GARNL3: variants seen among roughly 807,000 people sequenced by gnomAD.
GARNL3 encodes the protein GTPase activating Rap/RanGAP domain like 3.
GARNL3 carries 63 observed loss-of-function variants against 125.0 expected under a neutral mutation model. That is an observed-to-expected ratio of 0.50 (90% CI 0.41 to 0.62). The LOEUF is 0.62. GARNL3 is among the 20% of genes least tolerant of loss of function. GARNL3 has a pLI of 0.00. For missense variants in GARNL3, 994 were observed against 1,244.0 expected, an observed-to-expected ratio of 0.80 and a Z score of 3.02; for synonymous variants, 439 against 457.5, an observed-to-expected ratio of 0.96 and a Z score of 0.52.
At chr9:127,230,012 C>G (rs1056474537) in intron 1 of GARNL3, among the ~76,000 whole-genome samples, 2 of 152,214 alleles carry the variant, frequency 1.3e-5, no homozygotes, top group African/African-American at 4.8e-5. Context: ...GGCCTCCAGG[C>G]AGGGGCAGTG....
Position 127,324,946 on chromosome 9 carries a change from C to T in GARNL3, c.568-123C>T, listed in dbSNP as rs150290984. The T allele has an allele frequency of 3.8e-5, 39 of 1,021,292 alleles. 2 individuals carry two copies. The East Asian group carries it at 8.5e-4, about 22-fold the overall frequency. 63.3% of individuals were successfully genotyped at this position (1,021,292 alleles called of 1,614,324 possible). On this transcript the variant is annotated intron_variant, in intron 6 of 27. Coordinates refer to ENST00000373387, the MANE Select transcript of GARNL3 (RefSeq NM_032293.5). The stretch of plus-strand genomic sequence containing the variant: ...TTTCCCCCAAACAAAGCTCCTATAA[C>T]CAACTTTTAAAATTATTTTCAAAAT...
intron 19 of GARNL3, 44 bp downstream of exon 19, chr9:127,354,454 T>C (rs758373904): frequency 5.8e-6 from 7 of 1,205,186 alleles, no homozygotes; most frequent in South Asian, 5.3e-5. Flanking sequence ...CGTTTTTTTT[T>C]TTCCTCAGGC....
At position 127,338,165 on chromosome 9, in the gene GARNL3, G is replaced by C. The variant is rs1368217721; in HGVS notation, c.1028+4G>C. On this transcript the variant is annotated splice_donor_region_variant and intron_variant, in intron 12 of 27. Transcript: ENST00000373387. ...ATCAACAAAATGACAATTACAGGTAGGTAATGACTTTGTCTCGATTGCTTG... is the reference window on the plus strand; with the variant it reads ...ATCAACAAAATGACAATTACAGGTACGTAATGACTTTGTCTCGATTGCTTG... 6.2e-7 allele frequency: 1 copy of C among 1,602,332 alleles called. No individual in the cohort carries two copies. Among genetic ancestry groups the C allele is most frequent in the African/African-American group, 1.3e-5 (1 of 74,672 alleles).
chr9:127,352,009 T>C (rs573965411), intron 17 of GARNL3, among the ~76,000 whole-genome samples: 1 of 152,362 alleles, frequency 6.6e-6, no homozygotes, highest in Admixed American at 6.5e-5. Flanking sequence ...ATTCACTCTG[T>C]ACACAGCTCG....
At chr9:127,336,900 C>T (rs1829584035) in intron 11 of GARNL3, among the ~76,000 whole-genome samples, 1 of 152,162 alleles carries the variant, frequency 6.6e-6, no homozygotes, top group Non-Finnish European at 1.5e-5. Flanking sequence ...GGTGGCTCTA[C>T]TGGTTATACA....
chr9:127,318,153 A>G, intron 5 of GARNL3, 26 bp downstream of exon 5: 1 of 1,409,824 alleles, frequency 7.1e-7, no homozygotes, highest in South Asian at 1.1e-5. Flanking sequence ...TAGAAACCCC[A>G]CACATGGATT....
chr9:127,349,381 T>C (rs1366088537), intron 17 of GARNL3, among the ~76,000 whole-genome samples: 1 of 152,062 alleles, frequency 6.6e-6, no homozygotes, highest in African/African-American at 2.4e-5. Flanking sequence ...TTAGAACCAC[T>C]GTCTCTGGGA....
At chr9:127,256,300 T>C (rs1442859768) in intron 2 of GARNL3, among the ~76,000 whole-genome samples, 1 of 152,154 alleles carries the variant, frequency 6.6e-6, no homozygotes, top group Non-Finnish European at 1.5e-5. Context: ...ACTTAGTTAG[T>C]AATGTTTCCC....
At chr9:127,322,160 G>C (rs1211048079) in intron 6 of GARNL3, among the ~76,000 whole-genome samples, 1 of 152,122 alleles carries the variant, frequency 6.6e-6, no homozygotes. Context: ...AAACAAACTA[G>C]AATTATAAAT....
intron 1 of GARNL3, among the ~76,000 whole-genome samples, chr9:127,268,500 G>C (rs1357329464): frequency 6.6e-6 from 1 of 152,094 alleles, no homozygotes; most frequent in Non-Finnish European, 1.5e-5. Flanking sequence ...CCTCTCTCCA[G>C]CTCATTTTTC....
At chr9:127,305,740 T>C (rs555304501) in intron 2 of GARNL3, among the ~76,000 whole-genome samples, 2 of 151,942 alleles carry the variant, frequency 1.3e-5, no homozygotes, top group East Asian at 3.9e-4. Flanking sequence ...ACCTGGCTAC[T>C]TTTTATTTTT....
intron 2 of GARNL3, among the ~76,000 whole-genome samples, chr9:127,305,933 A>C (rs954598350): frequency 2.0e-5 from 3 of 152,012 alleles, no homozygotes; most frequent in African/African-American, 7.2e-5. Flanking sequence ...AAAACTCCTC[A>C]TATTGACAGT....
At chr9:127,236,986 A>G (rs779172291) in intron 1 of GARNL3, among the ~76,000 whole-genome samples, 1 of 152,228 alleles carries the variant, frequency 6.6e-6, no homozygotes. Context: ...TAAAAAAGGC[A>G]TATCAGTTAG....
Position 127,319,183 on chromosome 9 carries a change from G to A in GARNL3, c.503+1056G>A, listed in dbSNP as rs547082712. Among the ~76,000 whole-genome samples, 163 of 152,206 alleles carry A rather than the reference G, an allele frequency of 1.1e-3. 2 individuals are homozygous for A. The highest frequency in any genetic ancestry group is 0.011 in the Admixed American group (162 of 15,288). Reference sequence around the variant, plus strand: ...ACTCTATCTGTTGGGGACTGCATCTGGCTGACTGAAAGGCACCAAGGCCGG... The same window carrying A: ...ACTCTATCTGTTGGGGACTGCATCTAGCTGACTGAAAGGCACCAAGGCCGG... On this transcript the variant is annotated intron_variant, in intron 5 of 27. Transcript: ENST00000373387.
At position 127,378,243 on chromosome 9, in the gene GARNL3, C is replaced by CAA. The variant is rs386361566; in HGVS notation, c.2162-5177_2162-5176dup. Among the ~76,000 whole-genome samples, 593 of 88,226 alleles carry CAA rather than the reference C, an allele frequency of 6.7e-3. 7 individuals are homozygous for CAA. The highest frequency in any genetic ancestry group is 0.055 in the East Asian group (213 of 3,856). 57.9% of individuals were successfully genotyped at this position (88,226 alleles called of 152,430 possible). A position where few individuals can be genotyped will look rare whatever the true frequency, so the allele number is the denominator to read the frequency against. ...TGGGCAACAAAGCAAGACTCTGTCT[C>CAA]AAAAAAAAAAAAAAAAAAATCATTA... On this transcript the variant is annotated intron_variant, in intron 22 of 27. Transcript: ENST00000373387.
Position 127,390,631 on chromosome 9 carries a change from C to A in GARNL3, c.2744-10C>A. On this transcript the variant is annotated splice_polypyrimidine_tract_variant and intron_variant, in intron 26 of 27. Transcript: ENST00000373387. Reference sequence around the variant, plus strand: ...GGTAGTGACCCTCTGACCTATGATTCTCAATCCAGGCCTCTCGGATGAAGG... The same window carrying A: ...GGTAGTGACCCTCTGACCTATGATTATCAATCCAGGCCTCTCGGATGAAGG... 1 of 1,613,536 alleles carries A rather than the reference C, an allele frequency of 6.2e-7. No homozygotes were observed. The highest frequency in any genetic ancestry group is 1.1e-5 in the South Asian group (1 of 91,036).
chr9:127,254,506 C>T (rs1008045036), intron 2 of GARNL3, among the ~76,000 whole-genome samples: 7 of 152,160 alleles, frequency 4.6e-5, no homozygotes, highest in Admixed American at 6.5e-5. Flanking sequence ...CCAATTCTCA[C>T]GCCTGTAATC....
At chr9:127,328,985 C>T (rs967945656) in intron 7 of GARNL3, among the ~76,000 whole-genome samples, 1 of 152,208 alleles carries the variant, frequency 6.6e-6, no homozygotes, top group African/African-American at 2.4e-5. Context: ...CCTCCAGGGA[C>T]CCAGGTCTGG....
At position 127,387,258 on chromosome 9, in the gene GARNL3, G is replaced by A. The variant is rs369114578; in HGVS notation, c.2454G>A (p.Gly818=). The part of the protein sequence containing the change: ...NEVSSGGSSK[G]ASARNSPQTP... ...TCTCATCTGGAGGCAGCTCCAAGGG[G>A]GCCAGTGCCCGAAATTCTCCTCAGA... Residue 818 remains glycine, a synonymous_variant, in exon 25 of 28, where the codon GGG becomes GGA. Transcript: ENST00000373387. The A allele has an allele frequency of 3.1e-6, 5 of 1,613,998 alleles. No homozygotes were observed. The Admixed American group carries it at 5.0e-5, about 16-fold the overall frequency.
Sources: gnomAD v4.1 joint callset for allele counts (sites outside exome capture counted in the v4.1 genomes callset) on GRCh38, gnomAD v4.1.1 for gene constraint, MANE v1.5 for transcripts, NCBI Gene and HGNC (gene_info 2026-07-23, HGNC 2026-07-21) for gene names.